Variants in GARRE1 observed in about 807,000 individuals in gnomAD.
GARRE1 encodes granule associated Rac and RHOG effector 1, also known as granule associated Rac and RHOG effector protein 1.
A neutral mutation model predicts 103.2 loss-of-function variants in GARRE1; 49 were observed. That is an observed-to-expected ratio of 0.47 (90% CI 0.38 to 0.60). GARRE1 has a LOEUF of 0.60. GARRE1 is among the 20% of genes least tolerant of loss of function. GARRE1 has a pLI of 0.00. For missense variants in GARRE1, 1,199 were observed against 1,370.5 expected (o/e 0.87, Z 1.98); for synonymous variants, 505 against 532.8 (o/e 0.95, Z 0.72).
rs781001710 is a variant in GARRE1, at chr19:34,320,103, G to T, written c.692G>T (p.Arg231Leu). 2 of 1,613,772 alleles carry T rather than the reference G, an allele frequency of 1.2e-6. No individual in the cohort carries two copies. Among genetic ancestry groups the T allele is most frequent in the East Asian group, 2.2e-5 (1 of 44,892 alleles). ...GTAGAGGAAGCTGTGCGGTCCTGGC[G>T]GGGGGCTGCTGAGGTAACCCTGGCT... ...PEVEEAVRSW[R>L]GAAEATSRLR... Residue 231 changes from arginine to leucine, a missense_variant, in exon 3 of 14, where the codon CGG (arginine) becomes CTG (leucine). Transcript: ENST00000299505.
At chr19:34,266,103 A>G (rs560039734) in intron 1 of GARRE1, among the ~76,000 whole-genome samples, 32 of 152,308 alleles carry the variant, frequency 2.1e-4, no homozygotes, top group East Asian at 1.5e-3. Flanking sequence ...TCTCTTCACC[A>G]CTGCATCCTG....
intron 1 of GARRE1, among the ~76,000 whole-genome samples, chr19:34,255,809 T>G (rs1387783680): frequency 3.9e-5 from 6 of 151,984 alleles, no homozygotes; most frequent in Non-Finnish European, 8.8e-5. Flanking sequence ...CTGATTGTTA[T>G]CTTAGAATAA....
At chr19:34,323,224 G>C (rs995076127) in intron 3 of GARRE1, among the ~76,000 whole-genome samples, 6 of 151,226 alleles carry the variant, frequency 4.0e-5, no homozygotes, top group Admixed American at 4.0e-4. Context: ...GTAGAGACAG[G>C]GTTTCACTGT....
intron 2 of GARRE1, among the ~76,000 whole-genome samples, chr19:34,319,422 A>T (rs996295538): frequency 6.6e-5 from 10 of 152,118 alleles, no homozygotes; most frequent in Non-Finnish European, 1.2e-4. Flanking sequence ...CTATGTTAAC[A>T]CTCCTACTAA....
Position 34,339,854 on chromosome 19 carries a change from A to C in GARRE1, c.1362-13A>C. ...AATGCAGCCAAGACTAATGCAGCCTAATCTATGCCTAGGTGCCTGAAAGAA... is the reference window on the plus strand; with the variant it reads ...AATGCAGCCAAGACTAATGCAGCCTCATCTATGCCTAGGTGCCTGAAAGAA... On this transcript the variant is annotated splice_polypyrimidine_tract_variant and intron_variant, in intron 8 of 13. Coordinates refer to ENST00000299505, the MANE Select transcript of GARRE1 (RefSeq NM_014686.5). The C allele has an allele frequency of 6.2e-7, 1 of 1,614,050 alleles. No individual in the cohort carries two copies. Among genetic ancestry groups the C allele is most frequent in the Non-Finnish European group, 8.5e-7 (1 of 1,179,984 alleles).
chr19:34,343,118 T>G (rs1328542854), intron 10 of GARRE1, among the ~76,000 whole-genome samples: 2 of 152,136 alleles, frequency 1.3e-5, no homozygotes, highest in Non-Finnish European at 2.9e-5. Flanking sequence ...TATTCTAAGC[T>G]TGATTAAGGG....
chr19:34,330,449 A>G, intron 7 of GARRE1, 102 bp downstream of exon 7: 3 of 1,233,550 alleles, frequency 2.4e-6, no homozygotes, highest in Non-Finnish European at 3.4e-6. Context: ...AATAATTTAA[A>G]AAGTTATTTG....
At chr19:34,283,977 G>C (rs1393433115) in intron 1 of GARRE1, among the ~76,000 whole-genome samples, 1 of 147,298 alleles carries the variant, frequency 6.8e-6, no homozygotes, top group Non-Finnish European at 1.5e-5. Flanking sequence ...GACTACAGGC[G>C]CCCGCCACCA....
chr19:34,286,797 G>A (rs1456994844), intron 1 of GARRE1, among the ~76,000 whole-genome samples: 8 of 152,202 alleles, frequency 5.3e-5, no homozygotes, highest in Middle Eastern at 3.4e-3. Flanking sequence ...CACCATGTCC[G>A]GCCTTTGTGT....
At chr19:34,282,704 G>A (rs899094759) in intron 1 of GARRE1, among the ~76,000 whole-genome samples, 11 of 152,166 alleles carry the variant, frequency 7.2e-5, no homozygotes, top group African/African-American at 2.7e-4. Flanking sequence ...TTGCCTTAGT[G>A]AGAGTTGGCT....
intron 6 of GARRE1, among the ~76,000 whole-genome samples, chr19:34,328,627 G>A (rs184085391): frequency 8.6e-5 from 13 of 151,714 alleles, no homozygotes; most frequent in Non-Finnish European, 1.0e-4. Context: ...TTTTTGAGAC[G>A]GAGTTTTACT....
rs1270820956 is a variant in GARRE1 at position 34,327,781 on chromosome 19, T to C, written c.857T>C (p.Ile286Thr). 6.2e-7 allele frequency: 1 copy of C among 1,613,732 alleles called. No individual in the cohort carries two copies. The highest frequency in any genetic ancestry group is 1.7e-5 in the Admixed American group (1 of 59,996). ...ATAATTTATTTCCAGGCATATAAGA[T>C]AGCTCTGGAAAGCTTAGGACACTGT... ...KIDSALQAYK[I>T]ALESLGHCEY... Residue 286 changes from isoleucine to threonine, a missense_variant, in exon 5 of 14, where the codon ATA becomes ACA. Ile to Thr is a moderately conservative substitution (Grantham distance 89). Coordinates refer to ENST00000299505, the MANE Select transcript of GARRE1 (RefSeq NM_014686.5).
Position 34,300,581 on chromosome 19 carries a change from G to A in GARRE1, c.108G>A (p.Glu36=), listed in dbSNP as rs73580724. Residue 36 remains glutamate (E), a synonymous_variant, in exon 2 of 14, where the codon GAG becomes GAA. Coordinates refer to ENST00000299505, the MANE Select transcript of GARRE1 (RefSeq NM_014686.5). ...AGCACCAGCAATACCCGATGCCTGA[G>A]CTGGGCCGAGCACTGAGTGCTCCCC... is the stretch of plus-strand genomic sequence containing the variant. ...VQQHQQYPMP[E]LGRALSAPLA... The A allele has an allele frequency of 3.1e-4, 498 of 1,613,430 alleles. 1 individual carries two copies. The African/African-American group carries it at 6.1e-3, about 20-fold the overall frequency.
Position 34,352,858 on chromosome 19 carries a change from A to ACCC in GARRE1, c.3116_3117insCCC (p.Gln1039delinsHisPro). On this transcript the variant is annotated protein_altering_variant, in exon 14 of 14. Coordinates refer to ENST00000299505, the MANE Select transcript of GARRE1 (RefSeq NM_014686.5). The stretch of plus-strand genomic sequence containing the variant: ...TTCTCCTATGTGCAGACCCCACCCC[A>ACCC]GCCCCCACCCCCACCAGCACACAAG... 9.6e-7 allele frequency: 1 copy of ACCC among 1,037,078 alleles called. No homozygotes were observed. The highest frequency in any genetic ancestry group is 1.4e-6 in the Non-Finnish European group (1 of 697,170). The allele number at this position is 1,037,078 out of a possible 1,614,324, so 64.2% of individuals were successfully genotyped here. A position where few individuals can be genotyped will look rare whatever the true frequency, so the allele number is the denominator to read the frequency against.
chr19:34,341,638 C>T lies in GARRE1; in HGVS notation c.1704C>T (p.Ile568=), dbSNP rs751235677. The T allele has an allele frequency of 2.5e-6, 4 of 1,614,202 alleles. No homozygotes were observed. The highest frequency in any genetic ancestry group is 3.4e-6 in the Non-Finnish European group (4 of 1,180,032). ...TCCAAAATACCCCTTCCAAAAACATCTTCATAGCTGGATGTTCCGAAGAGA... is the reference window on the plus strand; with the variant it reads ...TCCAAAATACCCCTTCCAAAAACATTTTCATAGCTGGATGTTCCGAAGAGA... ...YSIQNTPSKN[I]FIAGCSEEKA... is the part of the protein sequence containing the mutation. The change falls in exon 10 of 14, where the codon ATC becomes ATT. Residue 568 remains isoleucine (I), a synonymous_variant. Coordinates refer to ENST00000299505, the MANE Select transcript of GARRE1 (RefSeq NM_014686.5).
At chr19:34,309,741 C>G (rs2074028252) in intron 2 of GARRE1, among the ~76,000 whole-genome samples, 1 of 152,142 alleles carries the variant, frequency 6.6e-6, no homozygotes, top group Admixed American at 6.5e-5. Flanking sequence ...GAGAGAAATT[C>G]AGGAATGTAT....
rs376893482 is a variant in GARRE1, at chr19:34,307,815, T to TATA, written c.495+6847_495+6848insATA. On this transcript the variant is annotated intron_variant, in intron 2 of 13. Coordinates refer to ENST00000299505, the MANE Select transcript of GARRE1 (RefSeq NM_014686.5). ...TATAAAAAAAAAATATATATATATA[T>TATA]TTTTTTTTTTTTTTAGAGATTAGGC... 3.9e-4 allele frequency among the ~76,000 whole-genome samples: 38 copies of TATA among 96,648 alleles called. 1 individual carries two copies. The South Asian group carries it at 7.8e-3, about 20-fold the overall frequency. The allele number at this position is 96,648 out of a possible 152,430, so 63.4% of individuals were successfully genotyped here.
At chr19:34,280,258 T>C (rs2073843538) in intron 1 of GARRE1, among the ~76,000 whole-genome samples, 1 of 152,112 alleles carries the variant, frequency 6.6e-6, no homozygotes, top group African/African-American at 2.4e-5. Flanking sequence ...ACCTCCAACA[T>C]TGGGAATTAC....
At chr19:34,259,658 T>TTTTG (rs763199675) in intron 1 of GARRE1, among the ~76,000 whole-genome samples, 2 of 150,754 alleles carry the variant, frequency 1.3e-5, no homozygotes, top group Non-Finnish European at 1.5e-5. Flanking sequence ...ATGAAGTTTT[T>TTTTG]TTTGTTTGTT....
Sources: allele counts gnomAD v4.1 joint callset (sites outside exome capture counted in the v4.1 genomes callset), GRCh38; gene constraint gnomAD v4.1.1; transcripts MANE v1.5; gene names NCBI Gene and HGNC (gene_info 2026-07-23, HGNC 2026-07-21).